Variants in CA10 observed in about 807,000 individuals in gnomAD.
The protein encoded by CA10 is carbonic anhydrase-related protein 10.
CA10 carries 14 observed loss-of-function variants against 44.2 expected under a neutral mutation model. The observed-to-expected ratio is 0.32, with a 90% CI of 0.21 to 0.50. The LOEUF (loss-of-function observed/expected upper bound fraction) is 0.50. Among genes scored for constraint, CA10 ranks in the 20% least tolerant of loss-of-function variants. CA10 has a pLI of 0.99. For synonymous variants in CA10, 159 were observed against 141.6 expected, an observed-to-expected ratio of 1.12 and a Z score of -0.87; for missense variants, 350 against 409.7, an observed-to-expected ratio of 0.85 and a Z score of 1.26.
At chr17:52,107,834 A>G (rs1400270008) in intron 1 of CA10, among the ~76,000 whole-genome samples, 2 of 152,174 alleles carry the variant, frequency 1.3e-5, no homozygotes, top group Admixed American at 1.3e-4. Flanking sequence ...GGGTGAGCAC[A>G]GTGTAATCCT....
At chr17:52,138,629 G>A (rs966968538) in intron 1 of CA10, among the ~76,000 whole-genome samples, 1 of 152,178 alleles carries the variant, frequency 6.6e-6, no homozygotes, top group South Asian at 2.1e-4. Flanking sequence ...CTTCTGGTGA[G>A]GTTGGTAGCA....
chr17:51,746,250 C>T, intron 4 of CA10, among the ~76,000 whole-genome samples: 1 of 152,202 alleles, frequency 6.6e-6, no homozygotes, highest in East Asian at 1.9e-4. Context: ...CTCGCACTAG[C>T]CCTCATTTCC....
intron 2 of CA10, among the ~76,000 whole-genome samples, chr17:51,987,851 T>C (rs1290032943): frequency 6.7e-6 from 1 of 148,460 alleles, no homozygotes; most frequent in Non-Finnish European, 1.5e-5. Flanking sequence ...AGACTTGCCA[T>C]GCAAAAAATG....
rs1388178141 is a variant in CA10 at position 52,157,702 on chromosome 17, C to T, written c.61+24G>A. ...ACATCACAACATAATCCAAATCAGC[C>T]AGTGACTTCGGCGCGTCCCGTACCT... On this transcript the variant is annotated intron_variant, in intron 1 of 8. Coordinates refer to ENST00000451037, the MANE Select transcript of CA10 (RefSeq NM_020178.5). 8 of 1,610,162 alleles carry T rather than the reference C, an allele frequency of 5.0e-6. No individual in the cohort carries two copies. The South Asian group carries it at 5.5e-5, about 11-fold the overall frequency.
chr17:51,799,543 A>G (rs999315853), intron 3 of CA10, among the ~76,000 whole-genome samples: 2 of 152,196 alleles, frequency 1.3e-5, no homozygotes, highest in African/African-American at 4.8e-5. Context: ...CCTTGGCCAC[A>G]GCAAGTCATG....
chr17:51,652,788 C>T (rs1913624533), intron 5 of CA10, among the ~76,000 whole-genome samples: 1 of 152,174 alleles, frequency 6.6e-6, no homozygotes, highest in Admixed American at 6.5e-5. Context: ...TTGATCATCT[C>T]CATCAGATTC....
chr17:51,943,449 C>T (rs961121336), intron 2 of CA10, among the ~76,000 whole-genome samples: 5 of 152,178 alleles, frequency 3.3e-5, no homozygotes, highest in Non-Finnish European at 5.9e-5. Context: ...TAAAGAAAAT[C>T]TCTTGTATTC....
At chr17:51,779,283 C>A (rs578097083) in intron 3 of CA10, among the ~76,000 whole-genome samples, 9 of 152,240 alleles carry the variant, frequency 5.9e-5, no homozygotes, top group African/African-American at 2.2e-4. Context: ...ATTCTGGCCA[C>A]AAGTTATCAG....
At chr17:51,900,006 C>T (rs1227391204) in intron 3 of CA10, among the ~76,000 whole-genome samples, 2 of 151,812 alleles carry the variant, frequency 1.3e-5, no homozygotes, top group African/African-American at 4.9e-5. Context: ...CGCTCTGTGC[C>T]TTTTAATTGG....
chr17:51,644,359 AAGATATCTTTAG>A (rs1649961611), intron 6 of CA10, among the ~76,000 whole-genome samples: 1 of 152,150 alleles, frequency 6.6e-6, no homozygotes, highest in South Asian at 2.1e-4. Flanking sequence ...TGGGATTTTA[AAGATATCTTTAG>A]AAGTGATTTT....
intron 1 of CA10, among the ~76,000 whole-genome samples, chr17:52,121,710 A>C (rs2143318477): frequency 6.6e-6 from 1 of 152,188 alleles, no homozygotes; most frequent in Admixed American, 6.5e-5. Context: ...ACACCAGGGC[A>C]AAATATTAAC....
intron 4 of CA10, among the ~76,000 whole-genome samples, chr17:51,733,454 G>C (rs1193047992): frequency 6.6e-6 from 1 of 152,156 alleles, no homozygotes; most frequent in Admixed American, 6.5e-5. Flanking sequence ...GGATTTGAAA[G>C]GGGCTTGTTT....
At chr17:52,031,512 G>A (rs186348385) in intron 2 of CA10, among the ~76,000 whole-genome samples, 1 of 152,176 alleles carries the variant, frequency 6.6e-6, no homozygotes, top group Admixed American at 6.5e-5. Context: ...CCAATCTTGT[G>A]AATTTTGACA....
intron 2 of CA10, among the ~76,000 whole-genome samples, chr17:51,975,872 GAA>G (rs139387796): frequency 0.79 from 77,403 of 97,564 alleles, 30,129 homozygotes; most frequent in East Asian, 0.9. Context: ...CTCTGTCTCG[GAA>G]AAAAAAAAAA....
intron 3 of CA10, among the ~76,000 whole-genome samples, chr17:51,918,628 T>C (rs1328491183): frequency 1.3e-5 from 2 of 152,196 alleles, no homozygotes; most frequent in African/African-American, 4.8e-5. Flanking sequence ...AAGTGTTACA[T>C]CTGATGAAGA....
At chr17:52,074,372 A>T (rs1356575679) in intron 1 of CA10, among the ~76,000 whole-genome samples, 1 of 152,202 alleles carries the variant, frequency 6.6e-6, no homozygotes, top group East Asian at 1.9e-4. Context: ...AACTATAAAC[A>T]TCACCTAACA....
At chr17:51,633,182 T>C (rs927543221) in intron 8 of CA10, among the ~76,000 whole-genome samples, 5 of 152,162 alleles carry the variant, frequency 3.3e-5, no homozygotes, top group Non-Finnish European at 7.4e-5. Flanking sequence ...TACATATATA[T>C]ATATCTCACA....
chr17:51,697,232 T>C (rs1366595783), intron 4 of CA10, among the ~76,000 whole-genome samples: 1 of 152,216 alleles, frequency 6.6e-6, no homozygotes, highest in Non-Finnish European at 1.5e-5. Context: ...TTTAGCTTCA[T>C]GGTGAGGATT....
chr17:51,928,775 C>G (rs761670527), intron 3 of CA10, among the ~76,000 whole-genome samples: 1 of 152,180 alleles, frequency 6.6e-6, no homozygotes, highest in Non-Finnish European at 1.5e-5. Flanking sequence ...GATTTGAATT[C>G]TCACTTTCAA....
Sources: allele counts gnomAD v4.1 joint callset (sites outside exome capture counted in the v4.1 genomes callset), GRCh38; gene constraint gnomAD v4.1.1; transcripts MANE v1.5; gene names NCBI Gene and HGNC (gene_info 2026-07-23, HGNC 2026-07-21).